The following CHAT variants were observed in gnomAD, a reference collection of about 807,000 sequenced individuals.
CHAT encodes acetyl CoA:choline O-acetyltransferase.
In CHAT, 61 loss-of-function variants were observed where a neutral mutation model predicts 76.9. The ratio of observed to expected loss-of-function variants is 0.79; its 90% CI spans 0.65 to 0.98. The LOEUF (loss-of-function observed/expected upper bound fraction) is 0.98. Ranked by LOEUF, CHAT falls within the 50% of genes least tolerant of loss-of-function variation. The pLI, the probability that CHAT is intolerant of heterozygous loss-of-function variation, is 0.00. For missense variants in CHAT, 946 were observed against 986.9 expected, an observed-to-expected ratio of 0.96 and a Z score of 0.56; for synonymous variants, 407 against 397.4, an observed-to-expected ratio of 1.02 and a Z score of -0.29.
At chr10:49,622,224 C>T (rs1838757025) in intron 5 of CHAT, 74 bp downstream of exon 5, 8 of 1,478,622 alleles carry the variant, frequency 5.4e-6, no homozygotes, top group African/African-American at 1.4e-5. Context: ...GGGACCTTGT[C>T]TTTTTCCAGC....
At chr10:49,629,450 G>T (rs749279540) in intron 7 of CHAT, among the ~76,000 whole-genome samples, 1 of 152,184 alleles carries the variant, frequency 6.6e-6, no homozygotes, top group African/African-American at 2.4e-5. Flanking sequence ...TTAGCATTCC[G>T]CAGTGAGTTA....
Position 49,665,013 on chromosome 10 carries a change from A to G in CHAT, c.2214A>G (p.Lys738=). 6.2e-7 allele frequency: 1 copy of G among 1,614,200 alleles called. No homozygotes were observed. ...GCAAGCCATTGGCAACAAAGGAAAA[A>G]GCCACGAGGCCCAGCCAGGGACACC... ...TESKPLATKE[K]ATRPSQGHQP is the part of the protein sequence containing the mutation. The change falls in exon 15 of 15, where the codon AAA becomes AAG. Residue 738 remains lysine (K), a synonymous_variant. Transcript: ENST00000337653.
In CHAT at chr10:49,627,565, G is replaced by A. The variant is rs56722599; in HGVS notation, c.934-43G>A. On this transcript the variant is annotated intron_variant, in intron 6 of 14. Coordinates refer to ENST00000337653, the MANE Select transcript of CHAT (RefSeq NM_020549.5). ...AGGCTGAGTGAAGGCCTGGTGCCAC[G>A]GGCCACCCAACAAGTGACATGTTTG... is the stretch of plus-strand genomic sequence containing the variant. The A allele has an allele frequency of 4.6e-3, 7,430 of 1,606,122 alleles. 296 individuals carry two copies. The African/African-American group carries it at 0.087, about 19-fold the overall frequency.
rs1378719204 is a variant in CHAT, at chr10:49,646,376, G to T, written c.1112-129G>T. 58 of 1,193,202 alleles carry T rather than the reference G, an allele frequency of 4.9e-5. No individual in the cohort carries two copies. The Admixed American group carries it at 9.5e-4, about 20-fold the overall frequency. The allele number at this position is 1,193,202 out of a possible 1,614,324, so 73.9% of individuals were successfully genotyped here. On this transcript the variant is annotated intron_variant, in intron 7 of 14. Transcript: ENST00000337653. ...CAGTGGGGCAAGGTGGGGGGTCAGG[G>T]CTGGCTCAAGACCTGGGTCTTGTTG...
At chr10:49,659,497 T>A (rs190113491) in intron 13 of CHAT, among the ~76,000 whole-genome samples, 1 of 152,172 alleles carries the variant, frequency 6.6e-6, no homozygotes, top group African/African-American at 2.4e-5. Context: ...TAGAGAGCAA[T>A]CAGTCCATAA....
rs1178762918 is a variant in CHAT at position 49,616,506 on chromosome 10, A to T, written c.291A>T (p.Pro97=). 10 of 1,611,310 alleles carry T rather than the reference A, an allele frequency of 6.2e-6. No individual in the cohort carries two copies. The highest frequency in any genetic ancestry group is 8.5e-6 in the Non-Finnish European group (10 of 1,178,632). Residue 97 remains proline, a synonymous_variant, in exon 2 of 15, where the codon CCA becomes CCT. Coordinates refer to ENST00000337653, the MANE Select transcript of CHAT (RefSeq NM_020549.5). Reference sequence around the variant, plus strand: ...TTCCCACTTCTTGGTCCCCAGGTCCACACCTCTGCATCCCTGCACCAGGAC... The same window carrying T: ...TTCCCACTTCTTGGTCCCCAGGTCCTCACCTCTGCATCCCTGCACCAGGAC... The part of the protein sequence containing the change: ...AEAAEPRRAG[P]HLCIPAPGLT...
chr10:49,647,544 C>T (rs1305514954), intron 8 of CHAT, among the ~76,000 whole-genome samples: 1 of 152,216 alleles, frequency 6.6e-6, no homozygotes, highest in Non-Finnish European at 1.5e-5. Context: ...CTACATTCTG[C>T]AGGTTTTCCT....
At chr10:49,611,729 C>A, upstream of CHAT, 1 of 1,606,082 alleles carries the variant, frequency 6.2e-7, no homozygotes, top group Non-Finnish European at 8.5e-7. Context: ...ATGGGCATGG[C>A]CTGGCTGCCG....
chr10:49,659,927 T>C (rs926645327), intron 13 of CHAT, among the ~76,000 whole-genome samples: 1 of 152,130 alleles, frequency 6.6e-6, no homozygotes, highest in East Asian at 1.9e-4. Flanking sequence ...AAGTAATTTA[T>C]ACATTGTCAA....
chr10:49,664,373 T>A (rs1191796612), intron 14 of CHAT, among the ~76,000 whole-genome samples: 1 of 152,170 alleles, frequency 6.6e-6, no homozygotes, highest in African/African-American at 2.4e-5. Flanking sequence ...TGGGCCAGAT[T>A]TCCTCCAGTT....
intron 1 of CHAT, among the ~76,000 whole-genome samples, chr10:49,615,388 C>T (rs1838452464): frequency 6.6e-6 from 1 of 152,216 alleles, no homozygotes; most frequent in Non-Finnish European, 1.5e-5. Flanking sequence ...CTGCACTGTG[C>T]CAGCAAGGGC....
chr10:49,619,634 G>A lies in CHAT; in HGVS notation c.388-91G>A, dbSNP rs999059425. 6.3e-6 allele frequency: 8 copies of A among 1,262,044 alleles called. No individual in the cohort carries two copies. The South Asian group carries it at 8.8e-5, about 14-fold the overall frequency. The allele number at this position is 1,262,044 out of a possible 1,614,324, so 78.2% of individuals were successfully genotyped here. A position where few individuals can be genotyped will look rare whatever the true frequency, so the allele number is the denominator to read the frequency against. ...GTCCCAGGGTAGAGAACAACACAGG[G>A]GCAGAACAATACAGATACTAGGGAC... On this transcript the variant is annotated intron_variant, in intron 2 of 14. Coordinates refer to ENST00000337653, the MANE Select transcript of CHAT (RefSeq NM_020549.5).
chr10:49,637,100 T>C (rs1297626813), intron 7 of CHAT, among the ~76,000 whole-genome samples: 2 of 152,064 alleles, frequency 1.3e-5, no homozygotes, highest in African/African-American at 4.8e-5. Flanking sequence ...ACTACCTTTC[T>C]TTTTGTTGAT....
chr10:49,653,394 T>C (rs2132824685), intron 11 of CHAT, among the ~76,000 whole-genome samples: 1 of 151,860 alleles, frequency 6.6e-6, no homozygotes, highest in Admixed American at 6.6e-5. Flanking sequence ...GCTCATCAAC[T>C]GCCTGCTATG....
At chr10:49,653,166 C>T (rs772309947) in intron 11 of CHAT, among the ~76,000 whole-genome samples, 4 of 152,002 alleles carry the variant, frequency 2.6e-5, no homozygotes, top group South Asian at 4.2e-4. Flanking sequence ...GAATCACAGA[C>T]GGGAGGTTTA....
chr10:49,613,594 C>G (rs549062717), upstream of CHAT, among the ~76,000 whole-genome samples: 1 of 152,136 alleles, frequency 6.6e-6, no homozygotes, highest in Non-Finnish European at 1.5e-5. Context: ...TGTCTGTCCT[C>G]GATCTGCGAG....
chr10:49,661,916 A>C, intron 13 of CHAT, among the ~76,000 whole-genome samples: 1 of 152,238 alleles, frequency 6.6e-6, no homozygotes, highest in East Asian at 1.9e-4. Flanking sequence ...TCCTTTGATA[A>C]AAGTTTAAAT....
At chr10:49,611,816 A>T (rs866463543), upstream of CHAT, 2 of 1,603,750 alleles carry the variant, frequency 1.2e-6, no homozygotes, top group South Asian at 2.2e-5. Flanking sequence ...CAGTGGCTGT[A>T]CGGCGCGCTT....
chr10:49,620,293 A>T (rs1208451500), intron 3 of CHAT, among the ~76,000 whole-genome samples: 1 of 152,106 alleles, frequency 6.6e-6, no homozygotes, highest in African/African-American at 2.4e-5. Context: ...GGGGACTGGG[A>T]CAGAAGAAAG....
Sources: allele counts gnomAD v4.1 joint callset (sites outside exome capture counted in the v4.1 genomes callset), GRCh38; gene constraint gnomAD v4.1.1; transcripts MANE v1.5; gene names NCBI Gene and HGNC (gene_info 2026-07-23, HGNC 2026-07-21).